TMEM132D: variants seen among roughly 807,000 people sequenced by gnomAD.
TMEM132D encodes the protein mature OL transmembrane protein.
TMEM132D carries 21 observed loss-of-function variants against 62.3 expected under a neutral mutation model. The observed-to-expected ratio is 0.34, with a 90% CI of 0.24 to 0.49. The LOEUF (loss-of-function observed/expected upper bound fraction) is 0.49. Ranked by LOEUF, TMEM132D falls within the 20% of genes least tolerant of loss-of-function variation. The pLI is 0.99. For synonymous variants in TMEM132D, 621 were observed against 575.6 expected (o/e 1.08, Z -1.13); for missense variants, 1,346 against 1,402.8 (o/e 0.96, Z 0.65).
chr12:129,634,114 A>G (rs561178542), intron 2 of TMEM132D, among the ~76,000 whole-genome samples: 1 of 152,264 alleles, frequency 6.6e-6, no homozygotes, highest in Non-Finnish European at 1.5e-5. Context: ...ACGTGTGGGA[A>G]GGCCTCCACA....
At chr12:129,104,541 T>C (rs1481372736) in intron 5 of TMEM132D, among the ~76,000 whole-genome samples, 2 of 151,988 alleles carry the variant, frequency 1.3e-5, no homozygotes, top group East Asian at 3.9e-4. Context: ...AATTGACAAA[T>C]GGGATCTAAT....
In TMEM132D at chr12:129,356,412, C is replaced by G. The variant is rs1429873774; in HGVS notation, c.1116-18595G>C. On this transcript the variant is annotated intron_variant, in intron 3 of 8. Transcript: ENST00000422113. ...GACCTCGTGATCCGCCCGCCTCGGC[C>G]TCCCAAAGTGCTGGGATTACAGGCG... 7.7e-5 allele frequency among the ~76,000 whole-genome samples: 2 copies of G among 26,070 alleles called. 1 individual carries two copies. Among genetic ancestry groups the G allele is most frequent in the Non-Finnish European group, 1.7e-4 (2 of 11,570 alleles). The allele number at this position is 26,070 out of a possible 152,430, so 17.1% of individuals were successfully genotyped here.
At chr12:129,708,089 C>A (rs747257489) in intron 1 of TMEM132D, among the ~76,000 whole-genome samples, 8 of 152,004 alleles carry the variant, frequency 5.3e-5, no homozygotes, top group Non-Finnish European at 1.0e-4. Context: ...TGGTGGCATG[C>A]ACCTGTAATC....
chr12:129,809,686 T>C (rs1872108852), intron 1 of TMEM132D, among the ~76,000 whole-genome samples: 1 of 152,152 alleles, frequency 6.6e-6, no homozygotes, highest in African/African-American at 2.4e-5. Flanking sequence ...TACATGTTTG[T>C]TTTTTTAAAA....
At chr12:129,723,367 G>A (rs980368979) in intron 1 of TMEM132D, among the ~76,000 whole-genome samples, 6 of 152,216 alleles carry the variant, frequency 3.9e-5, no homozygotes, top group East Asian at 1.9e-4. Flanking sequence ...CCATGCAGTC[G>A]CTCTCTCTGC....
intron 1 of TMEM132D, among the ~76,000 whole-genome samples, chr12:129,714,852 C>T (rs926817275): frequency 2.0e-5 from 3 of 152,152 alleles, no homozygotes; most frequent in Non-Finnish European, 4.4e-5. Context: ...GTCACCAATG[C>T]GGAATCTCCC....
At chr12:129,513,630 A>C (rs373958287) in intron 3 of TMEM132D, among the ~76,000 whole-genome samples, 2 of 142,334 alleles carry the variant, frequency 1.4e-5, no homozygotes, top group South Asian at 2.3e-4. Context: ...GACTACAGGC[A>C]CCCACCACCA....
At chr12:129,461,279 C>G (rs916583281) in intron 3 of TMEM132D, among the ~76,000 whole-genome samples, 25 of 152,014 alleles carry the variant, frequency 1.6e-4, no homozygotes, top group African/African-American at 6.0e-4. Context: ...GGAGAAGGAC[C>G]CAGAAAGGGG....
At chr12:129,540,573 C>T (rs537346910) in intron 2 of TMEM132D, among the ~76,000 whole-genome samples, 1 of 152,092 alleles carries the variant, frequency 6.6e-6, no homozygotes, top group South Asian at 2.1e-4. Context: ...GCAACCTCCA[C>T]CTCCCTGGTT....
chr12:129,238,524 T>C (rs1477249915), intron 4 of TMEM132D, among the ~76,000 whole-genome samples: 1 of 152,178 alleles, frequency 6.6e-6, no homozygotes, highest in Non-Finnish European at 1.5e-5. Flanking sequence ...ATTCCACTTT[T>C]TGTTTCTATA....
At chr12:129,125,635 G>A (rs1456737100) in intron 5 of TMEM132D, among the ~76,000 whole-genome samples, 1 of 151,210 alleles carries the variant, frequency 6.6e-6, no homozygotes, top group African/African-American at 2.4e-5. Flanking sequence ...CTACAGGTGT[G>A]TACAAACATG....
At chr12:129,316,783 C>A (rs1282159787) in intron 4 of TMEM132D, among the ~76,000 whole-genome samples, 2 of 150,220 alleles carry the variant, frequency 1.3e-5, no homozygotes, top group Non-Finnish European at 3.0e-5. Context: ...CTGTCTATCT[C>A]ATTTCTTAGG....
rs1311251629 is a variant in TMEM132D at position 129,248,719 on chromosome 12, C to A, written c.1300-39056G>T. Among the ~76,000 whole-genome samples, 11 of 152,272 alleles carry A rather than the reference C, an allele frequency of 7.2e-5. No homozygotes were observed. In the East Asian group the frequency reaches 2.1e-3, roughly 29 times the overall value. On this transcript the variant is annotated intron_variant, in intron 4 of 8. Coordinates refer to ENST00000422113, the MANE Select transcript of TMEM132D (RefSeq NM_133448.3). The stretch of plus-strand genomic sequence containing the variant: ...ATTTGCTCCCCCGCTCCACCCTCCA[C>A]CCTCTGTTAGACCCTATCGTCTGCT...
intron 5 of TMEM132D, among the ~76,000 whole-genome samples, chr12:129,182,533 G>A (rs1435704012): frequency 2.0e-5 from 3 of 152,238 alleles, no homozygotes; most frequent in African/African-American, 7.2e-5. Flanking sequence ...CCATGTGGAA[G>A]GGAGCGTGCT....
At chr12:129,653,903 T>C (rs900780017) in intron 2 of TMEM132D, among the ~76,000 whole-genome samples, 2 of 152,180 alleles carry the variant, frequency 1.3e-5, no homozygotes, top group Admixed American at 1.3e-4. Flanking sequence ...TCTAATATTC[T>C]TTTTCTGTCC....
intron 3 of TMEM132D, among the ~76,000 whole-genome samples, chr12:129,523,215 G>A (rs771282661): frequency 5.3e-5 from 8 of 152,184 alleles, no homozygotes; most frequent in Non-Finnish European, 1.0e-4. Flanking sequence ...AATGTCATGT[G>A]TCACTTTAGA....
At chr12:129,693,242 C>T (rs1297631478) in intron 2 of TMEM132D, among the ~76,000 whole-genome samples, 4 of 152,096 alleles carry the variant, frequency 2.6e-5, no homozygotes, top group African/African-American at 9.7e-5. Flanking sequence ...TGAAAGAGCT[C>T]TCAATAGCCA....
intron 2 of TMEM132D, among the ~76,000 whole-genome samples, chr12:129,680,037 C>G (rs892365234): frequency 6.6e-6 from 1 of 152,104 alleles, no homozygotes; most frequent in Non-Finnish European, 1.5e-5. Context: ...GTATCAACAC[C>G]GTCAATTATA....
In TMEM132D at chr12:129,103,531, CTT is replaced by C. The variant is rs1264460654; in HGVS notation, c.1444-18831_1444-18830del. Reference sequence around the variant, plus strand: ...CAAGTTGGGATAATTCCAACCTACTCTTTGTTCCTTCAGCAGCCGGGATGATG... The same window carrying C: ...CAAGTTGGGATAATTCCAACCTACTCTGTTCCTTCAGCAGCCGGGATGATG... On this transcript the variant is annotated intron_variant, in intron 5 of 8. Coordinates refer to ENST00000422113, the MANE Select transcript of TMEM132D (RefSeq NM_133448.3). Among the ~76,000 whole-genome samples, 5 of 152,332 alleles carry C rather than the reference CTT, an allele frequency of 3.3e-5. No individual in the cohort carries two copies. The East Asian group carries it at 5.8e-4, about 18-fold the overall frequency.
Sources: gnomAD v4.1 joint callset for allele counts (sites outside exome capture counted in the v4.1 genomes callset) on GRCh38, gnomAD v4.1.1 for gene constraint, MANE v1.5 for transcripts, NCBI Gene and HGNC (gene_info 2026-07-23, HGNC 2026-07-21) for gene names.